The following DNA2 variants were observed in gnomAD, a reference collection of about 807,000 sequenced individuals.
DNA2 encodes DNA replication ATP-dependent helicase/nuclease DNA2.
In DNA2, 101 loss-of-function variants were observed where a neutral mutation model predicts 119.1. The ratio of observed to expected loss-of-function variants is 0.85; its 90% CI spans 0.72 to 1.00. The LOEUF (loss-of-function observed/expected upper bound fraction) is 1.00. Among genes scored for constraint, DNA2 ranks in the 50% least tolerant of loss-of-function variants. DNA2 has a pLI of 0.00. For synonymous variants in DNA2, 366 were observed against 424.4 expected, an observed-to-expected ratio of 0.86 and a Z score of 1.69; for missense variants, 1,121 against 1,255.5, an observed-to-expected ratio of 0.89 and a Z score of 1.62.
chr10:68,417,597 G>A (rs923380427), intron 19 of DNA2, among the ~76,000 whole-genome samples: 17 of 147,962 alleles, frequency 1.1e-4, no homozygotes, highest in African/African-American at 4.0e-4. Context: ...ATATTACAGT[G>A]AGCCGAGATT....
chr10:68,423,510 T>C (rs967970232), intron 14 of DNA2, among the ~76,000 whole-genome samples: 5 of 152,146 alleles, frequency 3.3e-5, no homozygotes, highest in African/African-American at 1.2e-4. Context: ...AAGGAAAGCC[T>C]AGCTAGACAG....
chr10:68,465,926 C>A, intron 3 of DNA2, 114 bp from the exon 4 acceptor site: 1 of 995,480 alleles, frequency 1.0e-6, no homozygotes, highest in Non-Finnish European at 1.3e-6. Context: ...AGACAAATGC[C>A]AAAATATTAA....
At chr10:68,459,732 A>G (rs2052230159) in intron 4 of DNA2, among the ~76,000 whole-genome samples, 1 of 152,172 alleles carries the variant, frequency 6.6e-6, no homozygotes, top group Admixed American at 6.6e-5. Flanking sequence ...TGTACCCTTA[A>G]AAATGGCTAA....
At chr10:68,464,366 T>C (rs183744189) in intron 4 of DNA2, among the ~76,000 whole-genome samples, 6 of 151,958 alleles carry the variant, frequency 3.9e-5, no homozygotes, top group Admixed American at 1.3e-4. Flanking sequence ...TACAAAAAAA[T>C]TAGCCGGGTG....
chr10:68,421,285 C>A (rs961365656), intron 17 of DNA2, among the ~76,000 whole-genome samples: 1 of 151,448 alleles, frequency 6.6e-6, no homozygotes, highest in African/African-American at 2.4e-5. Context: ...ATTTATTATA[C>A]CCTCTGTCCA....
chr10:68,444,739 A>AAAAG (rs899112077), intron 8 of DNA2, among the ~76,000 whole-genome samples, 182 bp downstream of exon 8: 4 of 151,516 alleles, frequency 2.6e-5, no homozygotes, highest in South Asian at 2.1e-4. Context: ...AAAAAAAAAA[A>AAAAG]AAAGAAAGAA....
chr10:68,467,694 G>C (rs1366549044), intron 3 of DNA2, among the ~76,000 whole-genome samples: 1 of 152,004 alleles, frequency 6.6e-6, no homozygotes, highest in Admixed American at 6.6e-5. Flanking sequence ...GGGACTACAG[G>C]TGCACGCCAC....
chr10:68,450,373 C>A, intron 5 of DNA2, 126 bp from the exon 6 acceptor site: 2 of 726,472 alleles, frequency 2.8e-6, no homozygotes, highest in South Asian at 1.9e-5. Context: ...ACCTTTACAG[C>A]AGTGATTTTC....
At position 68,437,359 on chromosome 10, in the gene DNA2, G is replaced by A. The variant is rs889783696; in HGVS notation, c.1416-118C>T. 7.9e-6 allele frequency: 7 copies of A among 886,076 alleles called. No homozygotes were observed. The South Asian group carries it at 1.3e-4, about 16-fold the overall frequency. 54.9% of individuals were successfully genotyped at this position (886,076 alleles called of 1,614,324 possible). On this transcript the variant is annotated intron_variant, in intron 9 of 20. Coordinates refer to ENST00000358410, the MANE Select transcript of DNA2 (RefSeq NM_001080449.3). ...CTCCTAAAAATTATTATTGAGGCCG[G>A]GTGTGGTGGCTCACGCCTGTAATCC...
At chr10:68,415,132 T>C in intron 20 of DNA2, 25 bp from the exon 21 acceptor site, 4 of 1,415,016 alleles carry the variant, frequency 2.8e-6, no homozygotes. Context: ...GGAAGAAATA[T>C]TTAGCACAAT....
At chr10:68,462,228 C>T (rs1412046207) in intron 4 of DNA2, among the ~76,000 whole-genome samples, 1 of 151,844 alleles carries the variant, frequency 6.6e-6, no homozygotes, top group East Asian at 1.9e-4. Flanking sequence ...AAAAATTAGC[C>T]GGGTGTGGTG....
At chr10:68,472,130 G>A (rs1264366420), upstream of DNA2, 1 of 1,441,368 alleles carries the variant, frequency 6.9e-7, no homozygotes, top group Non-Finnish European at 9.2e-7. Flanking sequence ...CATATCTGAA[G>A]CAGACTAAAC....
chr10:68,438,933 T>G (rs1402941032), intron 9 of DNA2, among the ~76,000 whole-genome samples: 1 of 146,230 alleles, frequency 6.8e-6, no homozygotes, highest in Non-Finnish European at 1.5e-5. Context: ...TTCAGGAGGC[T>G]GAGGCAGGAG....
chr10:68,432,037 C>A, intron 12 of DNA2, 66 bp from the exon 13 acceptor site: 1 of 1,345,464 alleles, frequency 7.4e-7, no homozygotes, highest in Non-Finnish European at 1.1e-6. Flanking sequence ...TTAATTATTT[C>A]ATAAGAAAAG....
intron 5 of DNA2, among the ~76,000 whole-genome samples, chr10:68,452,940 G>A (rs906676097): frequency 8.8e-5 from 13 of 148,258 alleles, no homozygotes; most frequent in African/African-American, 1.7e-4. Context: ...TCGCTCTGTC[G>A]CAGAGGCTGG....
chr10:68,433,047 C>A (rs1036626037), intron 10 of DNA2, among the ~76,000 whole-genome samples: 3 of 152,124 alleles, frequency 2.0e-5, no homozygotes, highest in African/African-American at 7.2e-5. Context: ...GTTCCTCACC[C>A]AAGCTTTGGG....
chr10:68,434,117 A>T (rs1327521410), intron 10 of DNA2, among the ~76,000 whole-genome samples: 1 of 152,104 alleles, frequency 6.6e-6, no homozygotes, highest in Non-Finnish European at 1.5e-5. Flanking sequence ...TCTACTAAAA[A>T]TATAAAAATT....
intron 6 of DNA2, 62 bp downstream of exon 6, chr10:68,449,964 ACT>A: frequency 2.6e-6 from 3 of 1,161,822 alleles, no homozygotes; most frequent in South Asian, 1.5e-5. Context: ...ACAGAACAAG[ACT>A]CTGTCTCAAA....
intron 5 of DNA2, among the ~76,000 whole-genome samples, chr10:68,451,651 T>A (rs975541546): frequency 2.0e-5 from 3 of 152,220 alleles, no homozygotes; most frequent in South Asian, 2.1e-4. Flanking sequence ...TGAAGATTTT[T>A]AAAAATAGAA....
Sources: gnomAD v4.1 joint callset for allele counts (sites outside exome capture counted in the v4.1 genomes callset) on GRCh38, gnomAD v4.1.1 for gene constraint, MANE v1.5 for transcripts, NCBI Gene and HGNC (gene_info 2026-07-23, HGNC 2026-07-21) for gene names.